The following LRP1B variants were observed in gnomAD, a reference collection of about 807,000 sequenced individuals.
LRP1B encodes low-density lipoprotein receptor-related protein 1B.
In LRP1B, 217 loss-of-function variants were observed where a neutral mutation model predicts 556.6. That is an observed-to-expected ratio of 0.39 (90% confidence interval 0.35 to 0.44). The LOEUF (loss-of-function observed/expected upper bound fraction) is 0.44, where lower values mean the gene tolerates loss of function less well. Among genes scored for constraint, LRP1B ranks in the 20% least tolerant of loss-of-function variants. LRP1B has a pLI of 1.00. For synonymous variants in LRP1B, 2,047 were observed against 1,865.8 expected (o/e 1.10, Z -2.50); for missense variants, 5,053 against 5,620.8 (o/e 0.90, Z 3.23).
Position 141,172,455 on chromosome 2 carries a change from G to A in LRP1B, c.1013+15966C>T, listed in dbSNP as rs1236672064. On this transcript the variant is annotated intron_variant, in intron 7 of 90. Coordinates refer to ENST00000389484, the MANE Select transcript of LRP1B (RefSeq NM_018557.3). ...TTACAGGTATCTGAGGCAAGGAACCGTGATCCTTTATATTTACTCATAATC... is the reference window on the plus strand; with the variant it reads ...TTACAGGTATCTGAGGCAAGGAACCATGATCCTTTATATTTACTCATAATC... Among the ~76,000 whole-genome samples the A allele has an allele frequency of 3.9e-5, 6 of 151,964 alleles. 1 individual carries two copies. Among genetic ancestry groups the A allele is most frequent in the East Asian group, 1.9e-4 (1 of 5,150 alleles).
chr2:141,760,259 A>C (rs10169631), intron 2 of LRP1B, among the ~76,000 whole-genome samples: 1 of 152,254 alleles, frequency 6.6e-6, no homozygotes, highest in East Asian at 1.9e-4. Flanking sequence ...TGATGGTACA[A>C]CCATTTGATG....
chr2:140,325,497 GGAAGCCACA>G (rs1242894347), intron 80 of LRP1B, among the ~76,000 whole-genome samples: 5 of 152,184 alleles, frequency 3.3e-5, no homozygotes, highest in African/African-American at 4.8e-5. Flanking sequence ...GAATAGCCAC[GGAAGCCACA>G]GAATGAAATT....
intron 66 of LRP1B, among the ~76,000 whole-genome samples, chr2:140,415,932 T>G (rs1379883497): frequency 1.3e-5 from 2 of 152,184 alleles, no homozygotes; most frequent in African/African-American, 4.8e-5. Context: ...GACACTGATT[T>G]TCCTCGAGAG....
intron 2 of LRP1B, among the ~76,000 whole-genome samples, chr2:141,492,073 C>G (rs1324639394): frequency 0.018 from 49 of 2,770 alleles, no homozygotes; most frequent in Middle Eastern, 0.5. Flanking sequence ...CACTATTTAG[C>G]TTTCTGAAAA....
At chr2:142,007,775 A>G (rs575600944) in intron 1 of LRP1B, among the ~76,000 whole-genome samples, 2 of 152,306 alleles carry the variant, frequency 1.3e-5, no homozygotes, top group East Asian at 1.9e-4. Flanking sequence ...GGAATAATAC[A>G]ATAGCTTTGC....
Position 140,483,415 on chromosome 2 carries a change from G to A in LRP1B, c.9425+1928C>T, listed in dbSNP as rs1048464951. Among the ~76,000 whole-genome samples the A allele has an allele frequency of 4.6e-5, 7 of 151,554 alleles. 1 individual carries two copies. The highest frequency in any genetic ancestry group is 3.9e-4 in the Admixed American group (6 of 15,202). ...TTCACTAGAATAGGACACAGGTTTT[G>A]CTTCATAAATAGAAAAGACCACAGA... is the stretch of plus-strand genomic sequence containing the variant. On this transcript the variant is annotated intron_variant, in intron 59 of 90. Coordinates refer to ENST00000389484, the MANE Select transcript of LRP1B (RefSeq NM_018557.3).
intron 12 of LRP1B, among the ~76,000 whole-genome samples, chr2:141,017,486 C>A (rs1472647051): frequency 6.6e-6 from 1 of 151,184 alleles, no homozygotes; most frequent in Non-Finnish European, 1.5e-5. Flanking sequence ...CACGCACACA[C>A]GAGACAGAGA....
intron 66 of LRP1B, among the ~76,000 whole-genome samples, chr2:140,391,535 A>T (rs1684019934): frequency 2.0e-5 from 3 of 152,136 alleles, no homozygotes; most frequent in Admixed American, 2.0e-4. Context: ...AATTAAAATT[A>T]CCTTGCTATT....
chr2:141,535,539 T>TA (rs146068131), intron 2 of LRP1B, among the ~76,000 whole-genome samples: 6,096 of 143,290 alleles, frequency 0.043, 359 homozygotes, highest in African/African-American at 0.14. Context: ...AGCAATGGTA[T>TA]AAAAAAAAAA....
chr2:140,562,589 T>C (rs567133478), intron 43 of LRP1B, among the ~76,000 whole-genome samples: 42 of 152,170 alleles, frequency 2.8e-4, no homozygotes, highest in African/African-American at 9.9e-4. Context: ...GAGATTTTTT[T>C]CTTTTTTAAA....
intron 86 of LRP1B, among the ~76,000 whole-genome samples, chr2:140,257,309 A>C (rs1038310062): frequency 2.0e-5 from 3 of 152,206 alleles, no homozygotes; most frequent in African/African-American, 7.2e-5. Flanking sequence ...AGACAAAATA[A>C]ATGGATAAAC....
At chr2:141,441,059 TTTTTTTA>T (rs552339377) in intron 3 of LRP1B, among the ~76,000 whole-genome samples, 7 of 152,076 alleles carry the variant, frequency 4.6e-5, no homozygotes, top group East Asian at 1.9e-4. Context: ...GCCCTGATTT[TTTTTTTA>T]TTTTTTATTT....
chr2:141,360,498 A>G (rs1688783818), intron 3 of LRP1B, among the ~76,000 whole-genome samples: 1 of 152,202 alleles, frequency 6.6e-6, no homozygotes, highest in African/African-American at 2.4e-5. Context: ...TTTTTCATCA[A>G]TGTGTGTTTA....
At chr2:141,243,555 G>C (rs1038129814) in intron 5 of LRP1B, among the ~76,000 whole-genome samples, 1 of 152,036 alleles carries the variant, frequency 6.6e-6, no homozygotes, top group African/African-American at 2.4e-5. Context: ...AGTAACAAAT[G>C]CTCTCATAAA....
At chr2:140,960,679 T>C (rs940219906) in intron 18 of LRP1B, among the ~76,000 whole-genome samples, 1 of 151,968 alleles carries the variant, frequency 6.6e-6, no homozygotes, top group Admixed American at 6.6e-5. Context: ...TGTTTACCAG[T>C]GTACATTTAT....
intron 2 of LRP1B, among the ~76,000 whole-genome samples, chr2:141,798,632 G>A (rs1216531057): frequency 2.7e-5 from 4 of 148,212 alleles, no homozygotes; most frequent in African/African-American, 5.0e-5. Context: ...ACTTGAACAC[G>A]GGAGGTAGAC....
At chr2:140,537,797 T>C (rs1320320854) in intron 45 of LRP1B, among the ~76,000 whole-genome samples, 2 of 152,160 alleles carry the variant, frequency 1.3e-5, no homozygotes, top group Non-Finnish European at 2.9e-5. Context: ...AAAAGTTATT[T>C]TCTACAGGTG....
At chr2:140,535,288 C>T (rs1690899799) in intron 46 of LRP1B, among the ~76,000 whole-genome samples, 1 of 152,002 alleles carries the variant, frequency 6.6e-6, no homozygotes, top group African/African-American at 2.4e-5. Context: ...TAAATGCAAG[C>T]CTGTGACTTT....
intron 27 of LRP1B, among the ~76,000 whole-genome samples, chr2:140,864,953 C>T (rs556754611): frequency 4.3e-4 from 65 of 152,116 alleles, no homozygotes; most frequent in Non-Finnish European, 8.1e-4. Flanking sequence ...GGGTACATCA[C>T]GCAATTAATA....
Sources: gnomAD v4.1 joint callset for allele counts (sites outside exome capture counted in the v4.1 genomes callset) on GRCh38, gnomAD v4.1.1 for gene constraint, MANE v1.5 for transcripts, NCBI Gene and HGNC (gene_info 2026-07-23, HGNC 2026-07-21) for gene names.